KIAA1217: variants seen among roughly 807,000 people sequenced by gnomAD.
The protein encoded by KIAA1217 is KIAA1217.
KIAA1217 carries 88 observed loss-of-function variants against 163.9 expected under a neutral mutation model. The ratio of observed to expected loss-of-function variants is 0.54; its 90% CI spans 0.45 to 0.64. The LOEUF is 0.64. Among genes scored for constraint, KIAA1217 ranks in the 30% least tolerant of loss-of-function variants. The probability of loss-of-function intolerance (pLI) is 0.00; values close to 1 mark genes in which losing one functional copy is unlikely to be tolerated. For synonymous variants in KIAA1217, 903 were observed against 923.1 expected (o/e 0.98, Z 0.39); for missense variants, 2,372 against 2,475.0 (o/e 0.96, Z 0.88).
intron 11 of KIAA1217, among the ~76,000 whole-genome samples, chr10:24,520,651 AATAT>A (rs71472811): frequency 1.5e-4 from 6 of 39,660 alleles, no homozygotes; most frequent in African/African-American, 5.3e-4. Flanking sequence ...AAAAAAAAAA[AATAT>A]ATATATATAT....
At chr10:23,786,363 A>G (rs576264361) in intron 1 of KIAA1217, among the ~76,000 whole-genome samples, 20 of 152,192 alleles carry the variant, frequency 1.3e-4, no homozygotes, top group African/African-American at 4.6e-4. Flanking sequence ...ACTTGAGATT[A>G]AACCAGTTTG....
At chr10:24,354,446 C>T (rs2048831571) in intron 2 of KIAA1217, among the ~76,000 whole-genome samples, 1 of 152,212 alleles carries the variant, frequency 6.6e-6, no homozygotes, top group African/African-American at 2.4e-5. Flanking sequence ...CTGCAGTGGG[C>T]ATGTTACCAT....
intron 3 of KIAA1217, among the ~76,000 whole-genome samples, chr10:24,404,892 C>G (rs1004546742): frequency 6.6e-5 from 10 of 152,192 alleles, no homozygotes; most frequent in Non-Finnish European, 1.2e-4. Context: ...AGTTTACATA[C>G]TGTACCATTC....
At chr10:24,193,483 C>G (rs539031871) in intron 2 of KIAA1217, among the ~76,000 whole-genome samples, 1 of 152,324 alleles carries the variant, frequency 6.6e-6, no homozygotes, top group African/African-American at 2.4e-5. Flanking sequence ...GGCGATCTGT[C>G]CTGCTCAGCT....
intron 5 of KIAA1217, among the ~76,000 whole-genome samples, chr10:24,446,747 T>C (rs183385069): frequency 6.6e-6 from 1 of 152,340 alleles, no homozygotes; most frequent in Admixed American, 6.5e-5. Context: ...TTTACTGCCA[T>C]TTGATTTTCA....
At chr10:24,199,574 T>C (rs997271543) in intron 2 of KIAA1217, among the ~76,000 whole-genome samples, 1 of 152,266 alleles carries the variant, frequency 6.6e-6, no homozygotes, top group African/African-American at 2.4e-5. Context: ...TGTTTCCTTT[T>C]CTTCAGGTTT....
chr10:24,412,648 C>T (rs2057895940), intron 3 of KIAA1217, among the ~76,000 whole-genome samples: 1 of 152,180 alleles, frequency 6.6e-6, no homozygotes, highest in Non-Finnish European at 1.5e-5. Context: ...ACTGGCTGGT[C>T]CTCCTGGGTC....
At chr10:24,047,703 T>C (rs1402446994) in intron 2 of KIAA1217, among the ~76,000 whole-genome samples, 1 of 152,184 alleles carries the variant, frequency 6.6e-6, no homozygotes, top group Non-Finnish European at 1.5e-5. Flanking sequence ...CTATAGCACA[T>C]GTAGATTGAG....
chr10:24,331,960 C>T (rs2045736602), intron 2 of KIAA1217, among the ~76,000 whole-genome samples: 1 of 152,164 alleles, frequency 6.6e-6, no homozygotes, highest in African/African-American at 2.4e-5. Flanking sequence ...CCACCATGCC[C>T]AGCTGATGTT....
chr10:24,133,369 C>T (rs1305196608), intron 2 of KIAA1217, among the ~76,000 whole-genome samples: 4 of 151,874 alleles, frequency 2.6e-5, no homozygotes, highest in African/African-American at 7.3e-5. Context: ...GTCAAGAGTT[C>T]GAGACCAACT....
intron 2 of KIAA1217, among the ~76,000 whole-genome samples, chr10:24,026,829 C>A (rs561644167): frequency 9.7e-5 from 13 of 134,558 alleles, no homozygotes; most frequent in African/African-American, 3.6e-4. Context: ...ATGCTTAGAT[C>A]ATTGACTTGA....
chr10:23,943,707 A>G (rs1047826925), intron 1 of KIAA1217, among the ~76,000 whole-genome samples: 3 of 152,238 alleles, frequency 2.0e-5, no homozygotes, highest in Non-Finnish European at 4.4e-5. Flanking sequence ...AATCCATACT[A>G]CCTGATATCA....
In KIAA1217 at chr10:24,546,118, C is replaced by T. The variant is rs375951552; in HGVS notation, c.5626C>T (p.Leu1876Phe). Residue 1876 changes from leucine (L) to phenylalanine (F), a missense_variant, in exon 21 of 21, where the codon CTT (leucine) becomes TTT (phenylalanine). Leu to Phe is a conservative substitution (Grantham distance 22). This residue lies in a region of KIAA1217 where 690 missense variants were observed against 677.5 expected (regional missense o/e 1.02). Coordinates refer to ENST00000376454, the MANE Select transcript of KIAA1217 (RefSeq NM_019590.5). ...SLTHTGKGHH[L>F]SFSPQSQNGR... ...CACTCATACAGGTAAAGGTCACCATCTTTCATTCTCACCGCAGAGTCAAAA... is the reference window on the plus strand; with the variant it reads ...CACTCATACAGGTAAAGGTCACCATTTTTCATTCTCACCGCAGAGTCAAAA... 5.5e-5 allele frequency: 89 copies of T among 1,614,074 alleles called. No homozygotes were observed. Among genetic ancestry groups the T allele is most frequent in the Non-Finnish European group, 7.2e-5 (85 of 1,180,040 alleles).
intron 2 of KIAA1217, among the ~76,000 whole-genome samples, chr10:24,044,598 T>C (rs2131564935): frequency 6.6e-6 from 1 of 152,202 alleles, no homozygotes; most frequent in Middle Eastern, 3.4e-3. Flanking sequence ...CCCTCTCTGC[T>C]TCTTAAATTT....
At chr10:23,966,417 C>T (rs1400745009) in intron 1 of KIAA1217, among the ~76,000 whole-genome samples, 1 of 152,028 alleles carries the variant, frequency 6.6e-6, no homozygotes, top group East Asian at 1.9e-4. Context: ...AAGGAAGGGC[C>T]GGGTCCACAT....
intron 1 of KIAA1217, among the ~76,000 whole-genome samples, chr10:23,971,426 GC>G (rs1395348225): frequency 2.0e-5 from 3 of 152,148 alleles, no homozygotes; most frequent in Non-Finnish European, 4.4e-5. Flanking sequence ...TAGAGAGATG[GC>G]TAAAAAATGT....
At chr10:24,067,400 G>A (rs929331144) in intron 2 of KIAA1217, among the ~76,000 whole-genome samples, 8 of 152,170 alleles carry the variant, frequency 5.3e-5, no homozygotes, top group Non-Finnish European at 1.5e-5. Flanking sequence ...GAGTTTACTG[G>A]AGGTCCACTC....
intron 9 of KIAA1217, among the ~76,000 whole-genome samples, chr10:24,511,152 CA>C (rs58529942): frequency 8.1e-4 from 28 of 34,510 alleles, no homozygotes; most frequent in African/African-American, 4.7e-3. Flanking sequence ...GACTCTGTCT[CA>C]AAAAAAAAAA....
At chr10:23,901,682 G>C (rs1480915161) in intron 1 of KIAA1217, among the ~76,000 whole-genome samples, 1 of 152,078 alleles carries the variant, frequency 6.6e-6, no homozygotes. Flanking sequence ...ACTGAGGCGG[G>C]TGGATCACTT....
Sources: allele counts gnomAD v4.1 joint callset (sites outside exome capture counted in the v4.1 genomes callset), GRCh38; gene constraint gnomAD v4.1.1; regional missense constraint gnomAD v4.1.1; transcripts MANE v1.5; gene names NCBI Gene and HGNC (gene_info 2026-07-23, HGNC 2026-07-21).